POLR1H: variants seen among roughly 807,000 people sequenced by gnomAD.
POLR1H encodes DNA-directed RNA polymerase I subunit RPA12.
POLR1H carries 5 observed loss-of-function variants against 15.8 expected under a neutral mutation model. The ratio of observed to expected loss-of-function variants is 0.32; its 90% CI spans 0.17 to 0.67. The LOEUF is 0.67. Ranked by LOEUF, POLR1H falls within the 30% of genes least tolerant of loss-of-function variation. The pLI is 0.74. For synonymous variants in POLR1H, 43 were observed against 58.3 expected (o/e 0.74, Z 1.20); for missense variants, 100 against 163.4 (o/e 0.61, Z 2.11).
At chr6:30,062,765 T>G (rs1765214923) in intron 3 of POLR1H, among the ~76,000 whole-genome samples, 1 of 138,118 alleles carries the variant, frequency 7.2e-6, no homozygotes, top group Admixed American at 7.4e-5. Context: ...AGAGATGGGG[T>G]TTCTCTATGT....
At chr6:30,062,912 C>A (rs1150740) in intron 3 of POLR1H, among the ~76,000 whole-genome samples, 12,542 of 149,490 alleles carry the variant, frequency 0.084, 592 homozygotes, top group Admixed American at 0.14. Context: ...AAAAAAAAAA[C>A]AACATAAGAA....
In POLR1H at chr6:30,064,781, T is replaced by C; in HGVS notation, c.*84T>C. The C allele has an allele frequency of 7.8e-7, 1 of 1,288,410 alleles. No individual in the cohort carries two copies. Among genetic ancestry groups the C allele is most frequent in the East Asian group, 2.4e-5 (1 of 40,986 alleles). The allele number at this position is 1,288,410 out of a possible 1,614,324, so 79.8% of individuals were successfully genotyped here. ...GTTTTTAGATGCCTTGTCCATCCTG[T>C]CTGGTTGCAATGTTTTGCTCCCAGA... On this transcript the variant is annotated 3_prime_UTR_variant, in exon 4 of 4. Coordinates refer to ENST00000332435, the MANE Select transcript of POLR1H (RefSeq NM_170783.4).
chr6:30,061,769 C>A lies in POLR1H; in HGVS notation c.145+100C>A. 1 of 1,572,040 alleles carries A rather than the reference C, an allele frequency of 6.4e-7. No individual in the cohort carries two copies. The highest frequency in any genetic ancestry group is 8.7e-7 in the Non-Finnish European group (1 of 1,151,100). ...TTGAGGAGGGGATCCTAGAGCAGGA[C>A]ATCAGGCGGTTGTACATTTGGTCTA... On this transcript the variant is annotated intron_variant, in intron 1 of 3. Coordinates refer to ENST00000332435, the MANE Select transcript of POLR1H (RefSeq NM_170783.4). This position sits in a 1 kb window ranked among gnomAD's most constrained non-coding sequence, Gnocchi z 5.0.
At chr6:30,064,326 G>T (rs963636561) in intron 3 of POLR1H, among the ~76,000 whole-genome samples, 1 of 149,812 alleles carries the variant, frequency 6.7e-6, no homozygotes, top group Non-Finnish European at 1.5e-5. Context: ...ATAAAAAGAA[G>T]ATTTTTTTTC....
At chr6:30,064,314 A>T (rs1480348803) in intron 3 of POLR1H, among the ~76,000 whole-genome samples, 2 of 150,928 alleles carry the variant, frequency 1.3e-5, no homozygotes, top group Admixed American at 6.6e-5. Flanking sequence ...AATTTTTTTT[A>T]AATAAAAAGA....
At position 30,064,756 on chromosome 6, in the gene POLR1H, GT is replaced by G; in HGVS notation, c.*64del. 1 of 1,483,676 alleles carries G rather than the reference GT, an allele frequency of 6.7e-7. No homozygotes were observed. Among genetic ancestry groups the G allele is most frequent in the Non-Finnish European group, 9.3e-7 (1 of 1,075,504 alleles). The allele number at this position is 1,483,676 out of a possible 1,614,324, so 91.9% of individuals were successfully genotyped here. On this transcript the variant is annotated 3_prime_UTR_variant, in exon 4 of 4. Coordinates refer to ENST00000332435, the MANE Select transcript of POLR1H (RefSeq NM_170783.4). ...CCTTTCGGAAGGTGAAGGATACTGG[GT>G]TTTTAGATGCCTTGTCCATCCTGTC... is the stretch of plus-strand genomic sequence containing the variant.
Position 30,061,621 on chromosome 6 carries a change from C to T in POLR1H, c.97C>T (p.Gln33Ter), listed in dbSNP as rs756411865. 6.2e-7 allele frequency: 1 copy of T among 1,613,072 alleles called. No individual in the cohort carries two copies. Among genetic ancestry groups the T allele is most frequent in the Non-Finnish European group, 8.5e-7 (1 of 1,180,044 alleles). Residue 33 changes from glutamine (Q) to a stop codon, truncating the protein, a stop_gained, in exon 1 of 4, where the codon CAG (glutamine) becomes TAG (stop). Coordinates refer to ENST00000332435, the MANE Select transcript of POLR1H (RefSeq NM_170783.4). LOFTEE classifies it high-confidence loss of function. The surrounding 1 kb of genome is among the most constrained non-coding windows in gnomAD (Gnocchi z 5.0). The part of the protein sequence containing the change: ...CGSVLPLPGA[Q>*]DTVTCIRCGF... ...CTCGGTCCTGCCTCTGCCCGGGGCT[C>T]AGGATACGGTCACCTGTATTCGCTG... is the stretch of plus-strand genomic sequence containing the variant.
At position 30,064,782 on chromosome 6, in the gene POLR1H, C is replaced by A; in HGVS notation, c.*85C>A. On this transcript the variant is annotated 3_prime_UTR_variant, in exon 4 of 4. Coordinates refer to ENST00000332435, the MANE Select transcript of POLR1H (RefSeq NM_170783.4). The stretch of plus-strand genomic sequence containing the variant: ...TTTTTAGATGCCTTGTCCATCCTGT[C>A]TGGTTGCAATGTTTTGCTCCCAGAA... 1 of 1,277,900 alleles carries A rather than the reference C, an allele frequency of 7.8e-7. No individual in the cohort carries two copies. Among genetic ancestry groups the A allele is most frequent in the African/African-American group, 1.5e-5 (1 of 66,070 alleles). 79.2% of individuals were successfully genotyped at this position (1,277,900 alleles called of 1,614,324 possible).
At chr6:30,062,726 T>C (rs887869969) in intron 3 of POLR1H, among the ~76,000 whole-genome samples, 4 of 113,896 alleles carry the variant, frequency 3.5e-5, no homozygotes, top group African/African-American at 1.0e-4. Flanking sequence ...TTTTTTTTTT[T>C]TTTTTTTTTT....
At chr6:30,064,355 A>G (rs1411544668) in intron 3 of POLR1H, among the ~76,000 whole-genome samples, 1 of 149,478 alleles carries the variant, frequency 6.7e-6, no homozygotes, top group African/African-American at 2.5e-5. Context: ...TGGCTTGCCT[A>G]TTTTCTTAAC....
At chr6:30,062,714 C>CTTTTTTTTTTT (rs9278555) in intron 3 of POLR1H, among the ~76,000 whole-genome samples, 22 of 42,378 alleles carry the variant, frequency 5.2e-4, no homozygotes, top group East Asian at 4.8e-3. Flanking sequence ...CCACGCCTGG[C>CTTTTTTTTTTT]TTTTTTTTTT....
At position 30,063,969 on chromosome 6, in the gene POLR1H, G is replaced by A. The variant is rs1291441912; in HGVS notation, c.357-704G>A. Among the ~76,000 whole-genome samples the A allele has an allele frequency of 6.6e-6, 1 of 151,906 alleles. No individual in the cohort carries two copies. Among genetic ancestry groups the A allele is most frequent in the Non-Finnish European group, 1.5e-5 (1 of 67,934 alleles). Reference sequence around the variant, plus strand: ...ATAGAGTTGAATTTTTTCTTTTCTTGTTCACTTTTACAAGAAAGGGCAGCC... The same window carrying A: ...ATAGAGTTGAATTTTTTCTTTTCTTATTCACTTTTACAAGAAAGGGCAGCC... On this transcript the variant is annotated intron_variant, in intron 3 of 3. Transcript: ENST00000332435. The surrounding 1 kb of genome is among the most constrained non-coding windows in gnomAD (Gnocchi z 4.1).
In POLR1H at chr6:30,061,298, C is replaced by T; in HGVS notation, c.-227C>T. The stretch of plus-strand genomic sequence containing the variant: ...CGCTCTAGCCCACGGAGTTGGTTAA[C>T]TCCTCTCACCGGCCCCTGGAAAGGG... On this transcript the variant is annotated 5_prime_UTR_variant, in exon 1 of 4. Coordinates refer to ENST00000332435, the MANE Select transcript of POLR1H (RefSeq NM_170783.4). The surrounding 1 kb of genome is among the most constrained non-coding windows in gnomAD (Gnocchi z 5.0). 2.2e-6 allele frequency: 1 copy of T among 464,318 alleles called. No homozygotes were observed. The highest frequency in any genetic ancestry group is 3.8e-6 in the Non-Finnish European group (1 of 264,308). The allele number at this position is 464,318 out of a possible 1,614,324, so 28.8% of individuals were successfully genotyped here. A position where few individuals can be genotyped will look rare whatever the true frequency, so the allele number is the denominator to read the frequency against.
Position 30,061,599 on chromosome 6 carries a change from G to A in POLR1H, c.75G>A (p.Ser25=). ...SDLDFCSDCG[S]VLPLPGAQDT... is the part of the protein sequence containing the mutation. ...TGGATTTCTGTTCAGATTGCGGCTC[G>A]GTCCTGCCTCTGCCCGGGGCTCAGG... Residue 25 remains serine, a synonymous_variant, in exon 1 of 4, where the codon TCG becomes TCA. Coordinates refer to ENST00000332435, the MANE Select transcript of POLR1H (RefSeq NM_170783.4). This position sits in a 1 kb window ranked among gnomAD's most constrained non-coding sequence, Gnocchi z 5.0. 6.2e-7 allele frequency: 1 copy of A among 1,612,968 alleles called. No individual in the cohort carries two copies.
Position 30,062,328 on chromosome 6 carries a change from C to CT in POLR1H, c.352dup (p.Cys118LeufsTer66). 6.2e-7 allele frequency: 1 copy of CT among 1,604,156 alleles called. No individual in the cohort carries two copies. Among genetic ancestry groups the CT allele is most frequent in the Non-Finnish European group, 8.5e-7 (1 of 1,171,906 alleles). On this transcript the variant is annotated frameshift_variant, in exon 3 of 4. Transcript: ENST00000332435. LOFTEE classifies it high-confidence loss of function. ...AAACTGTCTTCTACACCTGTACCAA[C>CT]TGCAAGTGAGTATTCTTTCCCCTCC...
rs1022568617 is a variant in POLR1H, at chr6:30,061,485, T to C, written c.-40T>C. 3.1e-6 allele frequency: 5 copies of C among 1,608,204 alleles called. No homozygotes were observed. Among genetic ancestry groups the C allele is most frequent in the Non-Finnish European group, 4.2e-6 (5 of 1,176,548 alleles). On this transcript the variant is annotated 5_prime_UTR_variant, in exon 1 of 4. Coordinates refer to ENST00000332435, the MANE Select transcript of POLR1H (RefSeq NM_170783.4). This position sits in a 1 kb window ranked among gnomAD's most constrained non-coding sequence, Gnocchi z 5.0. ...TCTGGGACAGGAACTCTTCTCTCTT[T>C]TGTTAATAAACTTCCAACTCCCTCC...
intron 2 of POLR1H, 44 bp downstream of exon 2, chr6:30,062,061 A>G: frequency 1.3e-6 from 2 of 1,570,402 alleles, no homozygotes; most frequent in Non-Finnish European, 1.8e-6. Flanking sequence ...GGTGGGTAGG[A>G]AAGAAATGGA....
rs750859094 is a variant in POLR1H at position 30,061,684 on chromosome 6, C to T, written c.145+15C>T. 116 of 1,612,544 alleles carry T rather than the reference C, an allele frequency of 7.2e-5. No individual in the cohort carries two copies. Among genetic ancestry groups the T allele is most frequent in the Non-Finnish European group, 7.6e-6 (9 of 1,179,846 alleles). ...CAACGTTCGGGGTGAGAGGCTTGTA[C>T]GCAGGGGTCCTGGCGGAGGGCGCAG... is the stretch of plus-strand genomic sequence containing the variant. On this transcript the variant is annotated intron_variant, in intron 1 of 3. Transcript: ENST00000332435. The surrounding 1 kb of genome is among the most constrained non-coding windows in gnomAD (Gnocchi z 5.0).
Position 30,061,328 on chromosome 6 carries a change from AAGTCCTTT to A in POLR1H, c.-193_-186del. 1 of 572,234 alleles carries A rather than the reference AAGTCCTTT, an allele frequency of 1.7e-6. No individual in the cohort carries two copies. The highest frequency in any genetic ancestry group is 3.0e-6 in the Non-Finnish European group (1 of 334,612). The allele number at this position is 572,234 out of a possible 1,614,324, so 35.4% of individuals were successfully genotyped here. On this transcript the variant is annotated 5_prime_UTR_variant, in exon 1 of 4. Transcript: ENST00000332435. This position sits in a 1 kb window ranked among gnomAD's most constrained non-coding sequence, Gnocchi z 5.0. ...CTCACCGGCCCCTGGAAAGGGTTCC[AAGTCCTTT>A]AGTACCCGACGCTGTCTGGGAATTC...
Sources: gnomAD v4.1 joint callset for allele counts (sites outside exome capture counted in the v4.1 genomes callset) on GRCh38, gnomAD v4.1.1 for gene constraint, Gnocchi (gnomAD v3.1) non-coding constraint, MANE v1.5 for transcripts, NCBI Gene and HGNC (gene_info 2026-07-23, HGNC 2026-07-21) for gene names.